The following TSEN15 variants were observed in gnomAD, a reference collection of about 807,000 sequenced individuals.
The protein encoded by TSEN15 is tRNA splicing endonuclease subunit 15, also known as tRNA-splicing endonuclease subunit Sen15.
TSEN15 carries 10 observed loss-of-function variants against 20.5 expected under a neutral mutation model. The observed-to-expected ratio is 0.49, with a 90% confidence interval of 0.30 to 0.83. TSEN15 has a LOEUF of 0.83. TSEN15 is among the 40% of genes least tolerant of loss of function. The pLI, the probability that TSEN15 is intolerant of heterozygous loss-of-function variation, is 0.06. For synonymous variants in TSEN15, 72 were observed against 80.1 expected, an observed-to-expected ratio of 0.90 and a Z score of 0.54; for missense variants, 180 against 218.6, an observed-to-expected ratio of 0.82 and a Z score of 1.11.
chr1:184,072,457 A>G, intron 4 of TSEN15, 159 bp downstream of exon 4: 2 of 713,148 alleles, frequency 2.8e-6, no homozygotes, highest in African/African-American at 1.9e-5. Flanking sequence ...AAAATTGGTT[A>G]TATTTTGTTC....
At chr1:184,067,971 T>TATAC (rs1557883607) in intron 3 of TSEN15, among the ~76,000 whole-genome samples, 6 of 133,152 alleles carry the variant, frequency 4.5e-5, no homozygotes, top group African/African-American at 1.6e-4. Flanking sequence ...TATATATATA[T>TATAC]GTACATATGT....
chr1:184,055,031 C>CA (rs1650197184), intron 3 of TSEN15, 168 bp downstream of exon 3: 6 of 698,020 alleles, frequency 8.6e-6, no homozygotes, highest in African/African-American at 3.6e-5. Flanking sequence ...GCCATTCTTG[C>CA]ATTGCTATAA....
chr1:184,070,124 C>G (rs1044132873), intron 3 of TSEN15, among the ~76,000 whole-genome samples: 1 of 151,900 alleles, frequency 6.6e-6, no homozygotes, highest in African/African-American at 2.4e-5. Flanking sequence ...TCAAAGAACT[C>G]TGGAAACAGA....
Position 184,073,335 on chromosome 1 carries a change from G to T in TSEN15, c.*488G>T. ...TTTTCCTCTCCAGTAAAAAGTAAAA[G>T]ATTTCTTTCAATTGGTCTTCCCATT... On this transcript the variant is annotated 3_prime_UTR_variant, in exon 5 of 5. Coordinates refer to ENST00000645668, the MANE Select transcript of TSEN15 (RefSeq NM_052965.4). 1 of 152,884 alleles carries T rather than the reference G, an allele frequency of 6.5e-6. No homozygotes were observed. The highest frequency in any genetic ancestry group is 1.5e-5 in the Non-Finnish European group (1 of 68,472). The allele number at this position is 152,884 out of a possible 1,614,324, so 9.5% of individuals were successfully genotyped here. A position where few individuals can be genotyped will look rare whatever the true frequency, so the allele number is the denominator to read the frequency against.
intron 3 of TSEN15, among the ~76,000 whole-genome samples, chr1:184,059,032 CTTT>C (rs34067689): frequency 7.7e-6 from 1 of 129,574 alleles, no homozygotes. Flanking sequence ...TTAGAAAATA[CTTT>C]TTTTTTTTTT....
At chr1:184,088,149 C>A (rs1016016594) in intron 3 of TSEN15, among the ~76,000 whole-genome samples, 1 of 152,038 alleles carries the variant, frequency 6.6e-6, no homozygotes, top group African/African-American at 2.4e-5. Context: ...GGGCACCAGC[C>A]AGGGAGGTCT....
At chr1:184,088,168 G>A (rs1651297247) in intron 3 of TSEN15, among the ~76,000 whole-genome samples, 1 of 151,624 alleles carries the variant, frequency 6.6e-6, no homozygotes, top group African/African-American at 2.4e-5. Flanking sequence ...CTGCTTCCCT[G>A]GCCCAGAATG....
At chr1:184,079,376 C>T (rs910785339) in intron 3 of TSEN15, among the ~76,000 whole-genome samples, 1 of 152,116 alleles carries the variant, frequency 6.6e-6, no homozygotes, top group African/African-American at 2.4e-5. Flanking sequence ...TTAGCTAGGA[C>T]AACCATTACA....
chr1:184,055,069 T>TAA, intron 3 of TSEN15: 1 of 401,510 alleles, frequency 2.5e-6, no homozygotes, highest in Non-Finnish European at 4.3e-6. Flanking sequence ...AGTAATTTCT[T>TAA]AAAAAAAAAA....
intron 3 of TSEN15, among the ~76,000 whole-genome samples, chr1:184,056,377 T>A (rs1341228133): frequency 6.6e-6 from 1 of 152,084 alleles, no homozygotes; most frequent in Non-Finnish European, 1.5e-5. Flanking sequence ...GAAATATCTG[T>A]TCATATCTTT....
At chr1:184,077,480 C>T (rs1373549389), downstream of TSEN15, among the ~76,000 whole-genome samples, 1 of 152,106 alleles carries the variant, frequency 6.6e-6, no homozygotes, top group Non-Finnish European at 1.5e-5. Context: ...AACACATTAT[C>T]CATTCAGTAA....
intron 3 of TSEN15, among the ~76,000 whole-genome samples, chr1:184,057,585 C>G (rs1650294549): frequency 6.6e-6 from 1 of 152,076 alleles, no homozygotes. Flanking sequence ...GTTTCAGTTT[C>G]CTCGTCTTAT....
intron 3 of TSEN15, among the ~76,000 whole-genome samples, chr1:184,066,373 A>G (rs1650659947): frequency 6.6e-6 from 1 of 151,492 alleles, no homozygotes; most frequent in South Asian, 2.1e-4. Flanking sequence ...GATCTTGATT[A>G]CTATAGCTTT....
chr1:184,096,012 C>T (rs1295178384), exon 4 of TSEN15: 1 of 330,964 alleles, frequency 3.0e-6, no homozygotes, highest in Non-Finnish European at 5.4e-6. Context: ...TCTAATAAAA[C>T]ACCCACCCTT....
At chr1:184,062,066 G>A (rs1650476261) in intron 3 of TSEN15, among the ~76,000 whole-genome samples, 1 of 152,066 alleles carries the variant, frequency 6.6e-6, no homozygotes. Flanking sequence ...TTCCTGATCT[G>A]TAATGGGGGA....
intron 3 of TSEN15, among the ~76,000 whole-genome samples, chr1:184,088,406 T>C (rs1651301828): frequency 6.6e-6 from 1 of 151,824 alleles, no homozygotes; most frequent in Non-Finnish European, 1.5e-5. Flanking sequence ...TGTAATATGT[T>C]CAATAAGTGG....
At chr1:184,076,253 G>A (rs1178852448), downstream of TSEN15, among the ~76,000 whole-genome samples, 1 of 151,920 alleles carries the variant, frequency 6.6e-6, no homozygotes, top group African/African-American at 2.4e-5. Context: ...TAATTCTTGC[G>A]ATATTTTAAA....
At chr1:184,091,010 G>C (rs1381836808) in intron 3 of TSEN15, among the ~76,000 whole-genome samples, 1 of 152,156 alleles carries the variant, frequency 6.6e-6, no homozygotes, top group Non-Finnish European at 1.5e-5. Context: ...TCTAAACACT[G>C]TAATTATTTC....
At chr1:184,089,716 G>A (rs1248982281) in intron 3 of TSEN15, among the ~76,000 whole-genome samples, 29 of 151,684 alleles carry the variant, frequency 1.9e-4, no homozygotes, top group Non-Finnish European at 5.9e-5. Flanking sequence ...AGTGCTCAAA[G>A]TTAAACATTA....
Sources: allele counts gnomAD v4.1 joint callset (sites outside exome capture counted in the v4.1 genomes callset), GRCh38; gene constraint gnomAD v4.1.1; transcripts MANE v1.5; gene names NCBI Gene and HGNC (gene_info 2026-07-23, HGNC 2026-07-21).